LIN28A: variants seen among roughly 807,000 people sequenced by gnomAD.
The protein encoded by LIN28A is lin-28 RNA binding posttranscriptional regulator A, also known as protein lin-28 homolog A.
Under a neutral mutation model 21.1 loss-of-function variants are expected in LIN28A, and 11 were observed. The observed-to-expected ratio is 0.52, with a 90% confidence interval of 0.33 to 0.86. LIN28A has a LOEUF of 0.86. LIN28A is among the 40% of genes least tolerant of loss of function. The pLI is 0.03. For synonymous variants in LIN28A, 111 were observed against 108.7 expected (o/e 1.02, Z -0.13); for missense variants, 219 against 279.8 (o/e 0.78, Z 1.55).
intron 2 of LIN28A, among the ~76,000 whole-genome samples, chr1:26,416,419 T>G (rs1463723678): frequency 6.6e-6 from 1 of 152,162 alleles, no homozygotes; most frequent in Non-Finnish European, 1.5e-5. Flanking sequence ...ACCAGGGCCA[T>G]TTAGTTTTTT....
At position 26,421,490 on chromosome 1, in the gene LIN28A, T is replaced by G. The variant is rs181297576; in HGVS notation, c.229-3813T>G. On this transcript the variant is annotated intron_variant, in intron 2 of 3. Transcript: ENST00000326279. ...TATTATGTTGTGTAATTCTTTTTTC[T>G]TAGTGATTTATGGTATATTTTTGTA... Among the ~76,000 whole-genome samples the G allele has an allele frequency of 6.3e-4, 96 of 152,334 alleles. 2 individuals are homozygous for G. The highest frequency in any genetic ancestry group is 2.2e-3 in the African/African-American group (91 of 41,580).
intron 2 of LIN28A, among the ~76,000 whole-genome samples, chr1:26,417,970 T>G (rs80136396): frequency 0.036 from 5,510 of 151,670 alleles, 209 homozygotes; most frequent in African/African-American, 0.1. Context: ...TGTTGCCACT[T>G]CTGGAGAAAG....
chr1:26,411,051 T>C lies in LIN28A; in HGVS notation c.31+129T>C, dbSNP rs978612854. 34 of 1,210,470 alleles carry C rather than the reference T, an allele frequency of 2.8e-5. No individual in the cohort carries two copies. The African/African-American group carries it at 4.5e-4, about 16-fold the overall frequency. 75.0% of individuals were successfully genotyped at this position (1,210,470 alleles called of 1,614,324 possible). On this transcript the variant is annotated intron_variant, in intron 1 of 3. Coordinates refer to ENST00000326279, the MANE Select transcript of LIN28A (RefSeq NM_024674.6). This position sits in a 1 kb window ranked among gnomAD's most constrained non-coding sequence, Gnocchi z 5.4. ...CAAGACGGTGCGGCCTTCTGCTTCA[T>C]AGGGCCGTCTCTGGGGCCAGGAACC...
In LIN28A at chr1:26,428,673, TG is replaced by T. The variant is rs1158358749; in HGVS notation, c.*2218del. 6.6e-6 allele frequency: 1 copy of T among 151,958 alleles called. No homozygotes were observed. The highest frequency in any genetic ancestry group is 1.5e-5 in the Non-Finnish European group (1 of 68,018). The allele number at this position is 151,958 out of a possible 1,614,324, so 9.4% of individuals were successfully genotyped here. A position where few individuals can be genotyped will look rare whatever the true frequency, so the allele number is the denominator to read the frequency against. ...CTCCTGCCTCAGCCTCCTGAGTAGC[TG>T]GGATTTCAGGCACCCGCCACACTCA... On this transcript the variant is annotated 3_prime_UTR_variant, in exon 4 of 4. Transcript: ENST00000326279.
Position 26,411,361 on chromosome 1 carries a change from A to T in LIN28A, c.32-25A>T. The T allele has an allele frequency of 6.5e-7, 1 of 1,536,888 alleles. No individual in the cohort carries two copies. The highest frequency in any genetic ancestry group is 8.7e-7 in the Non-Finnish European group (1 of 1,147,504). ...CCTCCGATTCCGTGCCCCCCAGCTA[A>T]GTGCCCGGCCCTCCCTCTCTCCAGG... On this transcript the variant is annotated intron_variant, in intron 1 of 3. Transcript: ENST00000326279. This position sits in a 1 kb window ranked among gnomAD's most constrained non-coding sequence, Gnocchi z 5.4.
At chr1:26,419,254 C>CT (rs2075015268) in intron 2 of LIN28A, among the ~76,000 whole-genome samples, 2 of 112,680 alleles carry the variant, frequency 1.8e-5, no homozygotes, top group Non-Finnish European at 3.6e-5. Flanking sequence ...TAGAAAGGGG[C>CT]GGGGGAGGAG....
intron 2 of LIN28A, among the ~76,000 whole-genome samples, chr1:26,422,385 T>C (rs1047608964): frequency 6.6e-6 from 1 of 151,806 alleles, no homozygotes; most frequent in African/African-American, 2.4e-5. Flanking sequence ...TTTATCTATA[T>C]ACCATATGCA....
chr1:26,413,956 T>C (rs1308188844), intron 2 of LIN28A, among the ~76,000 whole-genome samples: 2 of 151,724 alleles, frequency 1.3e-5, no homozygotes, highest in Non-Finnish European at 2.9e-5. Flanking sequence ...GCTTCCTGAG[T>C]AGCTGGGATT....
At chr1:26,426,117 GT>G in intron 3 of LIN28A, 124 bp from the exon 4 acceptor site, 1 of 693,718 alleles carries the variant, frequency 1.4e-6, no homozygotes, top group East Asian at 2.7e-5. Context: ...CAAGTGGGAA[GT>G]TTGGTCTCTG....
chr1:26,422,378 A>G (rs756085031), intron 2 of LIN28A, among the ~76,000 whole-genome samples: 1 of 151,204 alleles, frequency 6.6e-6, no homozygotes, highest in Non-Finnish European at 1.5e-5. Context: ...TGGTACATTT[A>G]TCTATATACC....
At chr1:26,419,867 G>T (rs1011526087) in intron 2 of LIN28A, among the ~76,000 whole-genome samples, 2 of 152,120 alleles carry the variant, frequency 1.3e-5, no homozygotes, top group South Asian at 4.1e-4. Flanking sequence ...GGTCCAGAAG[G>T]CTCTTGGTCT....
At position 26,411,627 on chromosome 1, in the gene LIN28A, C is replaced by T; in HGVS notation, c.228+45C>T. The stretch of plus-strand genomic sequence containing the variant: ...CTTTGCCCAGGGAAGGGCGTCTAGG[C>T]GCCCATATCCACGGGTGGGCTCCGG... On this transcript the variant is annotated intron_variant, in intron 2 of 3. Transcript: ENST00000326279. The surrounding 1 kb of genome is among the most constrained non-coding windows in gnomAD (Gnocchi z 5.4). 6.3e-7 allele frequency: 1 copy of T among 1,581,138 alleles called. No individual in the cohort carries two copies. The highest frequency in any genetic ancestry group is 8.6e-7 in the Non-Finnish European group (1 of 1,162,708).
In LIN28A at chr1:26,411,445, G is replaced by C. The variant is rs764407858; in HGVS notation, c.91G>C (p.Ala31Pro). 6.2e-7 allele frequency: 1 copy of C among 1,609,852 alleles called. No individual in the cohort carries two copies. The highest frequency in any genetic ancestry group is 1.3e-5 in the African/African-American group (1 of 74,828). ...GGAGGCGCCGGAGGACGCGGCCCGG[G>C]CGGCGGACGAGCCTCAGCTGCTGCA... is the stretch of plus-strand genomic sequence containing the variant. ...PEEAPEDAAR[A>P]ADEPQLLHGA... is the part of the protein sequence containing the mutation. Residue 31 changes from alanine to proline, a missense_variant, in exon 2 of 4, where the codon GCG becomes CCG. Physicochemically the swap from Ala to Pro is conservative, Grantham distance 27. Coordinates refer to ENST00000326279, the MANE Select transcript of LIN28A (RefSeq NM_024674.6). This position sits in a 1 kb window ranked among gnomAD's most constrained non-coding sequence, Gnocchi z 5.4.
chr1:26,418,660 T>C (rs145432359), intron 2 of LIN28A, among the ~76,000 whole-genome samples: 4 of 152,206 alleles, frequency 2.6e-5, no homozygotes, highest in African/African-American at 9.6e-5. Flanking sequence ...AAGGATGATA[T>C]GGGTCATGCC....
chr1:26,425,406 G>C lies in LIN28A; in HGVS notation c.332G>C (p.Gly111Ala), dbSNP rs1392322620. Residue 111 changes from glycine (G) to alanine (A), a missense_variant, in exon 3 of 4, where the codon GGA becomes GCA. Gly to Ala is a moderately conservative substitution (Grantham distance 60). Around this residue, in one of 3 missense-constraint regions of LIN28A, gnomAD observed 124 missense variants for 193.1 expected, o/e 0.64. Transcript: ENST00000326279. ...AKGLESIRVT[G>A]PGGVFCIGSE... ...GGTCTGGAATCCATCCGTGTCACCGGACCTGGTGGAGTATTCTGTATTGGG... is the reference window on the plus strand; with the variant it reads ...GGTCTGGAATCCATCCGTGTCACCGCACCTGGTGGAGTATTCTGTATTGGG... 5.0e-6 allele frequency: 8 copies of C among 1,614,070 alleles called. No individual in the cohort carries two copies. Among genetic ancestry groups the C allele is most frequent in the African/African-American group, 1.3e-5 (1 of 74,916 alleles).
chr1:26,412,094 T>C (rs1182706939), intron 2 of LIN28A, among the ~76,000 whole-genome samples: 1 of 152,212 alleles, frequency 6.6e-6, no homozygotes, highest in East Asian at 1.9e-4. Flanking sequence ...CTCACCTGGC[T>C]GGTCACTAAA....
At chr1:26,425,160 A>T (rs902835857) in intron 2 of LIN28A, 143 bp from the exon 3 acceptor site, 1 of 737,652 alleles carries the variant, frequency 1.4e-6, no homozygotes, top group Non-Finnish European at 2.2e-6. Flanking sequence ...TCTTAATCGT[A>T]GTGACTCTTT....
chr1:26,426,410 A>G lies in LIN28A; in HGVS notation c.582A>G (p.Glu194=). Residue 194 remains glutamate, a synonymous_variant, in exon 4 of 4, where the codon GAA becomes GAG. Coordinates refer to ENST00000326279, the MANE Select transcript of LIN28A (RefSeq NM_024674.6). ...AQGKPTYFRE[E]EEEIHSPTLL... ...GAAAGCCAACCTACTTTCGAGAGGA[A>G]GAAGAAGAAATCCACAGCCCTACCC... The G allele has an allele frequency of 1.2e-6, 2 of 1,613,742 alleles. No homozygotes were observed. The highest frequency in any genetic ancestry group is 1.1e-5 in the South Asian group (1 of 91,072).
At chr1:26,422,584 A>C (rs979687553) in intron 2 of LIN28A, among the ~76,000 whole-genome samples, 3 of 152,116 alleles carry the variant, frequency 2.0e-5, no homozygotes, top group Admixed American at 6.6e-5. Flanking sequence ...GGTTAGATTC[A>C]GGATGTGCAT....
Sources: allele counts gnomAD v4.1 joint callset (sites outside exome capture counted in the v4.1 genomes callset), GRCh38; gene constraint gnomAD v4.1.1; regional missense constraint gnomAD v4.1.1; non-coding constraint Gnocchi (gnomAD v3.1); transcripts MANE v1.5; gene names NCBI Gene and HGNC (gene_info 2026-07-23, HGNC 2026-07-21).